Variants in APBB2 observed in about 807,000 individuals in gnomAD.
APBB2 encodes the protein amyloid beta precursor protein binding family B member 2, also known as Fe65-like 1.
Under a neutral mutation model 82.5 loss-of-function variants are expected in APBB2, and 38 were observed. The observed-to-expected ratio is 0.46, with a 90% CI of 0.36 to 0.60. APBB2 has a LOEUF of 0.60. Among genes scored for constraint, APBB2 ranks in the 20% least tolerant of loss-of-function variants. The pLI is 0.00. For missense variants in APBB2, 772 were observed against 972.3 expected, an observed-to-expected ratio of 0.79 and a Z score of 2.74; for synonymous variants, 341 against 368.2, an observed-to-expected ratio of 0.93 and a Z score of 0.85.
chr4:41,052,490 C>A (rs1378328152), intron 4 of APBB2, among the ~76,000 whole-genome samples: 1 of 152,140 alleles, frequency 6.6e-6, no homozygotes, highest in Non-Finnish European at 1.5e-5. Context: ...CTGTCAAACC[C>A]TCACAGCTCT....
At chr4:41,180,546 G>C (rs776611593) in intron 1 of APBB2, among the ~76,000 whole-genome samples, 18 of 152,120 alleles carry the variant, frequency 1.2e-4, no homozygotes, top group Non-Finnish European at 1.3e-4. Context: ...GCAGAGGGAG[G>C]GTGAGGCTGG....
At chr4:41,175,601 C>G (rs936689192) in intron 1 of APBB2, among the ~76,000 whole-genome samples, 2 of 152,062 alleles carry the variant, frequency 1.3e-5, no homozygotes, top group Non-Finnish European at 2.9e-5. Context: ...CTATTTACAC[C>G]AGTTGTTCTT....
At chr4:40,837,193 G>A (rs2154308383) in intron 12 of APBB2, among the ~76,000 whole-genome samples, 1 of 152,352 alleles carries the variant, frequency 6.6e-6, no homozygotes, top group South Asian at 2.1e-4. Context: ...AGGAAAGAGT[G>A]TGTCGGGTGC....
At chr4:40,822,245 ATTC>A (rs1748251328) in intron 16 of APBB2, 195 bp from the exon 17 acceptor site, 1 of 604,922 alleles carries the variant, frequency 1.7e-6, no homozygotes, top group Non-Finnish European at 2.9e-6. Context: ...TCTGGAGGTC[ATTC>A]TTGCTCTGAA....
At chr4:41,200,722 A>G (rs1047829727) in intron 1 of APBB2, among the ~76,000 whole-genome samples, 18 of 152,248 alleles carry the variant, frequency 1.2e-4, no homozygotes, top group Admixed American at 2.6e-4. Context: ...TAAAAAATGC[A>G]AAGTAGCTAC....
chr4:41,069,522 C>T (rs1733113452), intron 3 of APBB2, among the ~76,000 whole-genome samples: 3 of 152,204 alleles, frequency 2.0e-5, no homozygotes, highest in Non-Finnish European at 2.9e-5. Context: ...GGAACAAGAT[C>T]CAGGCCATTT....
chr4:41,213,982 A>G (rs1029447808), intron 1 of APBB2, among the ~76,000 whole-genome samples: 2 of 151,862 alleles, frequency 1.3e-5, no homozygotes, highest in African/African-American at 4.8e-5. Flanking sequence ...GCAGGCGCCC[A>G]CCCTCACTTT....
At chr4:40,927,030 A>G (rs944224435) in intron 10 of APBB2, among the ~76,000 whole-genome samples, 4 of 152,192 alleles carry the variant, frequency 2.6e-5, no homozygotes, top group Admixed American at 6.5e-5. Context: ...TACAGATCAG[A>G]CTATTTCATC....
intron 6 of APBB2, among the ~76,000 whole-genome samples, chr4:40,990,876 T>C (rs1443651383): frequency 6.6e-6 from 1 of 151,974 alleles, no homozygotes; most frequent in Non-Finnish European, 1.5e-5. Context: ...AAGGTGTAAA[T>C]TGGGTTGATA....
chr4:40,884,081 G>C (rs1769502866), intron 12 of APBB2, among the ~76,000 whole-genome samples: 1 of 152,152 alleles, frequency 6.6e-6, no homozygotes, highest in African/African-American at 2.4e-5. Context: ...ATCTGACCCA[G>C]CCTCTCCTCC....
rs1368179878 is a variant in APBB2, at chr4:40,813,539, T to A, written c.*2553A>T. ...AAGTGTCTGAACATACTCTTTAACA[T>A]AATTTTACAAAATTAATTTGCATTT... On this transcript the variant is annotated 3_prime_UTR_variant, in exon 18 of 18. Coordinates refer to ENST00000508593, the MANE Select transcript of APBB2 (RefSeq NM_004307.2). 1 of 152,254 alleles carries A rather than the reference T, an allele frequency of 6.6e-6. No individual in the cohort carries two copies. The highest frequency in any genetic ancestry group is 2.4e-5 in the African/African-American group (1 of 41,476). 9.4% of individuals were successfully genotyped at this position (152,254 alleles called of 1,614,324 possible).
chr4:41,118,697 C>G (rs200635840), intron 2 of APBB2, among the ~76,000 whole-genome samples: 1 of 151,762 alleles, frequency 6.6e-6, no homozygotes, highest in Non-Finnish European at 1.5e-5. Flanking sequence ...AATCTGATAG[C>G]CTTTAGTTAA....
At chr4:41,043,175 C>A (rs1009103850) in intron 4 of APBB2, among the ~76,000 whole-genome samples, 37 of 152,054 alleles carry the variant, frequency 2.4e-4, no homozygotes, top group African/African-American at 8.5e-4. Context: ...TGTGACAAAG[C>A]AAATTTTAGG....
intron 4 of APBB2, among the ~76,000 whole-genome samples, chr4:41,057,849 C>A (rs1728371980): frequency 6.6e-6 from 1 of 152,204 alleles, no homozygotes; most frequent in South Asian, 2.1e-4. Context: ...CCAAGTCTGG[C>A]TGGGGCATTT....
chr4:41,157,607 C>T (rs764512211), intron 1 of APBB2, among the ~76,000 whole-genome samples: 6 of 152,220 alleles, frequency 3.9e-5, no homozygotes, highest in Non-Finnish European at 5.9e-5. Context: ...TCCTGAAATC[C>T]AGACCAGACC....
rs1809115107 is a variant in APBB2 at position 41,013,868 on chromosome 4, C to T, written c.550G>A (p.Gly184Arg). The change falls in exon 6 of 18, where the codon GGG becomes AGG. Residue 184 changes from glycine (G) to arginine (R), a missense_variant. By Grantham distance (125) the Gly-to-Arg change is moderately radical. Transcript: ENST00000508593. The part of the protein sequence containing the change: ...ELEQNRGNHH[G>R]TAEEKSQPVQ... ...GGCTGGGATTTCTCTTCCGCAGTCC[C>T]ATGGTGATTGCCTCGGTTCTGCTCT... The T allele has an allele frequency of 6.2e-7, 1 of 1,614,036 alleles. No individual in the cohort carries two copies. Among genetic ancestry groups the T allele is most frequent in the African/African-American group, 1.3e-5 (1 of 74,912 alleles).
chr4:41,069,322 T>C (rs1419518006), intron 3 of APBB2, among the ~76,000 whole-genome samples: 1 of 152,168 alleles, frequency 6.6e-6, no homozygotes, highest in Non-Finnish European at 1.5e-5. Flanking sequence ...TCTAGGGTTT[T>C]AGCCAATTCA....
At position 41,057,828 on chromosome 4, in the gene APBB2, T is replaced by C. The variant is rs184497109; in HGVS notation, c.-51+7748A>G. On this transcript the variant is annotated intron_variant, in intron 4 of 17. Transcript: ENST00000508593. ...CTGGAGGCTGCTCGCAGAAGATAGG[T>C]CTTAAGCTTCCCAAGTCTGGCTGGG... is the stretch of plus-strand genomic sequence containing the variant. Among the ~76,000 whole-genome samples the C allele has an allele frequency of 3.1e-3, 474 of 152,206 alleles. 6 individuals carry two copies. Among genetic ancestry groups the C allele is most frequent in the African/African-American group, 0.011 (445 of 41,530 alleles).
At chr4:41,015,228 T>C (rs1809555846) in intron 5 of APBB2, among the ~76,000 whole-genome samples, 1 of 152,222 alleles carries the variant, frequency 6.6e-6, no homozygotes, top group Admixed American at 6.5e-5. Flanking sequence ...TCTCAAATAT[T>C]GTTTGCGCCG....
Sources: gnomAD v4.1 joint callset for allele counts (sites outside exome capture counted in the v4.1 genomes callset) on GRCh38, gnomAD v4.1.1 for gene constraint, MANE v1.5 for transcripts, NCBI Gene and HGNC (gene_info 2026-07-23, HGNC 2026-07-21) for gene names.